The following DEAF1 variants were observed in gnomAD, a reference collection of about 807,000 sequenced individuals.
DEAF1 encodes the protein deformed epidermal autoregulatory factor 1 homolog.
In DEAF1, 53 loss-of-function variants were observed where a neutral mutation model predicts 58.9. The ratio of observed to expected loss-of-function variants is 0.90; its 90% confidence interval spans 0.72 to 1.13. The LOEUF (loss-of-function observed/expected upper bound fraction) is 1.13. Among genes scored for constraint, DEAF1 ranks in the 50% most tolerant of loss-of-function variants. The pLI is 0.00. For synonymous variants in DEAF1, 385 were observed against 340.4 expected, an observed-to-expected ratio of 1.13 and a Z score of -1.44; for missense variants, 685 against 791.4, an observed-to-expected ratio of 0.87 and a Z score of 1.61.
chr11:703,946 GT>G, intron 1 of DEAF1: 1 of 1,242,896 alleles, frequency 8.0e-7, no homozygotes, highest in South Asian at 3.9e-5. Context: ...CTAGCTCTGT[GT>G]TTTTTTCCCA....
At chr11:653,904 G>T (rs937840918) in intron 11 of DEAF1, 58 bp downstream of exon 11, 3 of 1,512,072 alleles carry the variant, frequency 2.0e-6, no homozygotes, top group South Asian at 1.1e-5. Flanking sequence ...GGCCACCCAG[G>T]GGTCTTCGTA....
chr11:649,705 G>C lies in DEAF1; in HGVS notation c.1593+4257C>G, dbSNP rs563831612. ...AGTGCACTCCAGCCTGGGCAACAAA[G>C]TGATACTCTGTCTCAATTCAAAAAA... is the stretch of plus-strand genomic sequence containing the variant. On this transcript the variant is annotated intron_variant, in intron 11 of 11. Transcript: ENST00000382409. 2.0e-5 allele frequency among the ~76,000 whole-genome samples: 3 copies of C among 151,124 alleles called. No homozygotes were observed. The South Asian group carries it at 6.3e-4, about 32-fold the overall frequency.
chr11:671,330 C>A (rs1859816701), intron 10 of DEAF1, among the ~76,000 whole-genome samples: 1 of 151,954 alleles, frequency 6.6e-6, no homozygotes, highest in South Asian at 2.1e-4. Flanking sequence ...AAGTGAGTCT[C>A]CTGCCTCAGC....
intron 1 of DEAF1, chr11:702,875 G>A: frequency 6.9e-7 from 1 of 1,449,974 alleles, no homozygotes; most frequent in Non-Finnish European, 9.4e-7. Context: ...CAGCCCTCCA[G>A]GCACCTGTGG....
At chr11:686,430 A>G (rs2133400334) in intron 5 of DEAF1, among the ~76,000 whole-genome samples, 1 of 152,016 alleles carries the variant, frequency 6.6e-6, no homozygotes, top group East Asian at 1.9e-4. Context: ...CCTTAACAAC[A>G]CCCAAGGAGC....
intron 11 of DEAF1, among the ~76,000 whole-genome samples, chr11:647,890 GTGGGT>G (rs1858575415): frequency 1.0e-5 from 1 of 97,104 alleles, no homozygotes; most frequent in Non-Finnish European, 2.1e-5. Context: ...CTGGGAGCAG[GTGGGT>G]GGACTTGACC....
At chr11:654,278 C>T (rs532786206) in intron 10 of DEAF1, among the ~76,000 whole-genome samples, 1 of 148,548 alleles carries the variant, frequency 6.7e-6, no homozygotes, top group Non-Finnish European at 1.5e-5. Context: ...AAGCAATTCT[C>T]CTGTCTCAGC....
intron 8 of DEAF1, among the ~76,000 whole-genome samples, chr11:679,150 A>G (rs1564943620): frequency 1.3e-5 from 2 of 152,052 alleles, no homozygotes; most frequent in African/African-American, 2.4e-5. Flanking sequence ...GTCTCTACTA[A>G]AAATACCAAA....
chr11:669,129 T>C (rs1303888905), intron 10 of DEAF1, among the ~76,000 whole-genome samples: 1 of 39,216 alleles, frequency 2.5e-5, no homozygotes, highest in African/African-American at 5.5e-5. Context: ...CCGACCCTTT[T>C]TTTTTTTTTT....
intron 2 of DEAF1, among the ~76,000 whole-genome samples, chr11:689,049 G>A (rs1418463727): frequency 3.3e-5 from 5 of 152,156 alleles, no homozygotes; most frequent in Non-Finnish European, 5.9e-5. Flanking sequence ...GGCAAACTCT[G>A]GCCTGCAGGC....
In DEAF1 at chr11:701,380, T is replaced by G. The variant is rs114251343; in HGVS notation, c.-438+5192A>C. 5.4e-3 allele frequency among the ~76,000 whole-genome samples: 805 copies of G among 149,760 alleles called. 9 individuals are homozygous for G. Among genetic ancestry groups the G allele is most frequent in the East Asian group, 0.048 (244 of 5,098 alleles). On this transcript the variant is annotated intron_variant, in intron 1 of 11. Transcript: ENST00000683307. ...ATTTTGTTTTGTTTTGTTTTGTTTT[T>G]TTTTGGTAGAGACGAGACAAGGTTT...
In DEAF1 at chr11:703,003, G is replaced by A. The variant is rs7128391; in HGVS notation, c.-438+3569C>T. 8.2e-4 allele frequency: 1,315 copies of A among 1,612,052 alleles called. 13 individuals are homozygous for A. The African/African-American group carries it at 0.015, about 18-fold the overall frequency. On this transcript the variant is annotated intron_variant, in intron 1 of 11. Coordinates refer to the DEAF1 transcript ENST00000683307. Reference sequence around the variant, plus strand: ...CGCTGGCCGCCAGCCTGGCCCTCACGGCTGGCACCGCCCTCCTCTCTGCCC... The same window carrying A: ...CGCTGGCCGCCAGCCTGGCCCTCACAGCTGGCACCGCCCTCCTCTCTGCCC...
Position 688,303 on chromosome 11 carries a change from G to A in DEAF1, c.517+28C>T, listed in dbSNP as rs138629550. 310 of 1,608,206 alleles carry A rather than the reference G, an allele frequency of 1.9e-4. No homozygotes were observed. Among genetic ancestry groups the A allele is most frequent in the Non-Finnish European group, 2.4e-4 (277 of 1,177,192 alleles). On this transcript the variant is annotated intron_variant, in intron 3 of 11. Coordinates refer to ENST00000382409, the MANE Select transcript of DEAF1 (RefSeq NM_021008.4). This position sits in a 1 kb window ranked among gnomAD's most constrained non-coding sequence, Gnocchi z 4.3. Reference sequence around the variant, plus strand: ...AGCTATTCTGAAACGTGTTTTGCCCGAGGCCTGGGGTGCAGGCACCGCTGT... The same window carrying A: ...AGCTATTCTGAAACGTGTTTTGCCCAAGGCCTGGGGTGCAGGCACCGCTGT...
upstream of DEAF1, chr11:695,866 G>T: frequency 8.2e-7 from 1 of 1,226,702 alleles, no homozygotes; most frequent in Non-Finnish European, 1.0e-6. Context: ...GGCGGGGTGG[G>T]GGCTTCCGGG....
chr11:673,799 T>C (rs1187187167), intron 10 of DEAF1, among the ~76,000 whole-genome samples: 1 of 152,140 alleles, frequency 6.6e-6, no homozygotes, highest in Non-Finnish European at 1.5e-5. Context: ...GTTTGGGCTA[T>C]GAGAAGTAGC....
upstream of DEAF1, chr11:698,822 C>T (rs1250640536): frequency 6.2e-7 from 1 of 1,612,786 alleles, no homozygotes; most frequent in South Asian, 1.1e-5. Context: ...CCCGGGAAAG[C>T]ATCCTGGTGG....
In DEAF1 at chr11:691,555, G is replaced by C; in HGVS notation, c.333C>G (p.Asp111Glu). ...TCGCCACAGACGTGGTGAAGACATT[G>C]TCTGCAGCAGCCCCCACGTTGGCCA... ...VTVANVGAAA[D>E]NVFTTSVANA... Residue 111 changes from aspartate to glutamate, a missense_variant, in exon 2 of 12, where the codon GAC becomes GAG. By Grantham distance (45) the Asp-to-Glu change is conservative. This residue lies in a region of DEAF1 where 210 missense variants were observed against 177.3 expected (regional missense o/e 1.18). Coordinates refer to ENST00000382409, the MANE Select transcript of DEAF1 (RefSeq NM_021008.4). 1.2e-6 allele frequency: 2 copies of C among 1,613,806 alleles called. No individual in the cohort carries two copies. Among genetic ancestry groups the C allele is most frequent in the East Asian group, 2.2e-5 (1 of 44,884 alleles).
At position 644,290 on chromosome 11, in the gene DEAF1, G is replaced by C; in HGVS notation, c.*260C>G. The C allele has an allele frequency of 3.4e-6, 2 of 582,084 alleles. No individual in the cohort carries two copies. The highest frequency in any genetic ancestry group is 2.0e-5 in the South Asian group (1 of 51,132). 36.1% of individuals were successfully genotyped at this position (582,084 alleles called of 1,614,324 possible). A position where few individuals can be genotyped will look rare whatever the true frequency, so the allele number is the denominator to read the frequency against. ...ACGTATGTATGTGCGTCGCAGCACA[G>C]GCCCTGTGGGCAAGACCGGACGCTC... On this transcript the variant is annotated 3_prime_UTR_variant, in exon 12 of 12. Transcript: ENST00000382409. The surrounding 1 kb of genome is among the most constrained non-coding windows in gnomAD (Gnocchi z 4.3).
rs755146644 is a variant in DEAF1 at position 681,100 on chromosome 11, AAGG to A, written c.871-14_871-12del. ...CCTGACTGGGCCACTCTGGGGGAGA[AAGG>A]AGAGAGGCCACCACCTTCATGTGTG... On this transcript the variant is annotated splice_polypyrimidine_tract_variant and intron_variant, in intron 6 of 11. Transcript: ENST00000382409. 1.2e-6 allele frequency: 2 copies of A among 1,613,792 alleles called. No homozygotes were observed. Among genetic ancestry groups the A allele is most frequent in the South Asian group, 1.1e-5 (1 of 91,066 alleles).
Sources: gnomAD v4.1 joint callset for allele counts (sites outside exome capture counted in the v4.1 genomes callset) on GRCh38, gnomAD v4.1.1 for gene constraint, gnomAD v4.1.1 regional missense constraint, Gnocchi (gnomAD v3.1) non-coding constraint, MANE v1.5 for transcripts, NCBI Gene and HGNC (gene_info 2026-07-23, HGNC 2026-07-21) for gene names.